Variants in OC90 observed in about 807,000 individuals in gnomAD.
OC90 encodes otoconin 90.
In OC90, 46 loss-of-function variants were observed where a neutral mutation model predicts 47.3. The ratio of observed to expected loss-of-function variants is 0.97; its 90% CI spans 0.77 to 1.24. The LOEUF (loss-of-function observed/expected upper bound fraction) is 1.24, where lower values mean the gene tolerates loss of function less well. Among genes scored for constraint, OC90 ranks in the 50% most tolerant of loss-of-function variants. OC90 has a pLI of 0.00. For synonymous variants in OC90, 271 were observed against 219.5 expected (o/e 1.23, Z -2.07); for missense variants, 688 against 583.9 (o/e 1.18, Z -1.84).
rs372376833 is a variant in OC90 at position 132,029,137 on chromosome 8, C to T, written c.1074G>A (p.Arg358=). The stretch of plus-strand genomic sequence containing the variant: ...GAAGCCTCTCAAGCAGGCAGCCCAG[C>T]CTTCTCACTTGCTCTAGGCAGCAGT... The part of the protein sequence containing the change: ...SHHCCLEQVR[R]LGCLLERLPW... Residue 358 remains arginine, a synonymous_variant, in exon 13 of 14, where the codon AGG becomes AGA. Transcript: ENST00000254627. 6.2e-7 allele frequency: 1 copy of T among 1,613,892 alleles called. No individual in the cohort carries two copies. The highest frequency in any genetic ancestry group is 8.5e-7 in the Non-Finnish European group (1 of 1,179,892).
At chr8:132,055,875 C>A (rs1052859711) in intron 1 of OC90, among the ~76,000 whole-genome samples, 2 of 152,118 alleles carry the variant, frequency 1.3e-5, no homozygotes, top group African/African-American at 4.8e-5. Flanking sequence ...CGGACTCTAG[C>A]CAATCCATTA....
chr8:132,048,905 T>A (rs1823174986), intron 2 of OC90, among the ~76,000 whole-genome samples: 1 of 151,502 alleles, frequency 6.6e-6, no homozygotes, highest in Admixed American at 6.6e-5. Context: ...AGGGCCTGCC[T>A]GCAGGGGGCC....
intron 13 of OC90, among the ~76,000 whole-genome samples, chr8:132,028,774 A>C (rs900388639): frequency 6.8e-6 from 1 of 146,456 alleles, no homozygotes; most frequent in African/African-American, 2.5e-5. Flanking sequence ...GAGAGAAAGA[A>C]AGAAAGAGAG....
rs543706629 is a variant in OC90 at position 132,054,969 on chromosome 8, A to G, written c.46+12T>C. The G allele has an allele frequency of 9.1e-6, 14 of 1,543,358 alleles. No homozygotes were observed. In the East Asian group the frequency reaches 1.7e-4, roughly 19 times the overall value. On this transcript the variant is annotated intron_variant, in intron 2 of 13. Transcript: ENST00000254627. ...CTAAGCTGGAACTATGGTGTAAGAT[A>G]TCATTACTCACCGGCATGGGGGATC...
chr8:132,037,395 C>T (rs1432993780), intron 9 of OC90, 43 bp downstream of exon 9: 1 of 1,517,082 alleles, frequency 6.6e-7, no homozygotes, highest in South Asian at 1.2e-5. Context: ...TCCCCACTCT[C>T]ATTGTGTGTC....
intron 3 of OC90, among the ~76,000 whole-genome samples, chr8:132,045,232 C>T (rs564925917): frequency 2.6e-5 from 4 of 152,268 alleles, no homozygotes; most frequent in Non-Finnish European, 4.4e-5. Flanking sequence ...TATGGACTCA[C>T]GCATGAATAA....
intron 13 of OC90, among the ~76,000 whole-genome samples, chr8:132,025,301 A>G (rs896137384): frequency 6.6e-6 from 1 of 152,178 alleles, no homozygotes; most frequent in Non-Finnish European, 1.5e-5. Context: ...AAATTTCCTA[A>G]CAAACAAGAG....
At chr8:132,025,479 CAG>C (rs1310627226) in intron 13 of OC90, among the ~76,000 whole-genome samples, 1 of 152,176 alleles carries the variant, frequency 6.6e-6, no homozygotes, top group African/African-American at 2.4e-5. Flanking sequence ...ATTGCCCTAA[CAG>C]AGTATGCACA....
At chr8:132,036,246 TATA>T in intron 9 of OC90, 1 of 668,584 alleles carries the variant, frequency 1.5e-6, no homozygotes, top group Non-Finnish European at 2.7e-6. Context: ...GTAAAATGGG[TATA>T]ATAATATTTA....
At chr8:132,033,006 G>A in intron 11 of OC90, 33 bp downstream of exon 11, 1 of 1,598,188 alleles carries the variant, frequency 6.3e-7, no homozygotes, top group Non-Finnish European at 8.5e-7. Flanking sequence ...AAAGATCCCA[G>A]CAGCGGAGAG....
At position 132,024,560 on chromosome 8, in the gene OC90, T is replaced by C; in HGVS notation, c.1355A>G (p.Gln452Arg). 1 of 1,612,140 alleles carries C rather than the reference T, an allele frequency of 6.2e-7. No homozygotes were observed. Among genetic ancestry groups the C allele is most frequent in the Non-Finnish European group, 8.5e-7 (1 of 1,178,654 alleles). ...CCTCTTGGCTCTGCCGAGGTCCTCC[T>C]GTGGAGGGTCCTCCTCGCTGTCCTC... Reference protein sequence around the residue: ...SEEDSEEDPPQEDLGRAKRFL... With the variant: ...SEEDSEEDPPREDLGRAKRFL... The change falls in exon 14 of 14, where the codon CAG becomes CGG. Residue 452 changes from glutamine (Q) to arginine (R), a missense_variant. By Grantham distance (43) the Gln-to-Arg change is conservative (BLOSUM62 1). Transcript: ENST00000254627.
chr8:132,042,396 A>G (rs1001020288), intron 4 of OC90, among the ~76,000 whole-genome samples: 1 of 152,082 alleles, frequency 6.6e-6, no homozygotes, highest in Non-Finnish European at 1.5e-5. Flanking sequence ...ATCAACTTCT[A>G]TTATAGATTA....
intron 5 of OC90, 116 bp downstream of exon 5, chr8:132,041,409 C>G: frequency 1.1e-6 from 1 of 889,662 alleles, no homozygotes; most frequent in Non-Finnish European, 1.7e-6. Context: ...GAATTAAACC[C>G]TCTCCTGAGT....
At position 132,024,562 on chromosome 8, in the gene OC90, T is replaced by G. The variant is rs1822726181; in HGVS notation, c.1353A>C (p.Pro451=). 6.2e-7 allele frequency: 1 copy of G among 1,612,258 alleles called. No individual in the cohort carries two copies. Among genetic ancestry groups the G allele is most frequent in the African/African-American group, 1.3e-5 (1 of 74,906 alleles). Residue 451 remains proline (P), a synonymous_variant, in exon 14 of 14, where the codon CCA becomes CCC. Transcript: ENST00000254627. The part of the protein sequence containing the change: ...SSEEDSEEDP[P]QEDLGRAKRF... ...TCTTGGCTCTGCCGAGGTCCTCCTGTGGAGGGTCCTCCTCGCTGTCCTCCT... is the reference window on the plus strand; with the variant it reads ...TCTTGGCTCTGCCGAGGTCCTCCTGGGGAGGGTCCTCCTCGCTGTCCTCCT...
At chr8:132,032,784 AGTG>A (rs1822894455) in intron 11 of OC90, among the ~76,000 whole-genome samples, 1 of 152,138 alleles carries the variant, frequency 6.6e-6, no homozygotes, top group African/African-American at 2.4e-5. Flanking sequence ...GGCCAGTAAA[AGTG>A]GTGGCAGCAC....
intron 1 of OC90, among the ~76,000 whole-genome samples, chr8:132,056,575 C>G (rs1230979136): frequency 6.6e-6 from 1 of 152,188 alleles, no homozygotes; most frequent in Non-Finnish European, 1.5e-5. Context: ...TTTTTAGCCA[C>G]ACAAATTCCT....
rs1822832393 is a variant in OC90 at position 132,029,064 on chromosome 8, A to G, written c.1138+9T>C. 3 of 1,590,984 alleles carry G rather than the reference A, an allele frequency of 1.9e-6. No individual in the cohort carries two copies. The highest frequency in any genetic ancestry group is 1.1e-5 in the South Asian group (1 of 90,666). On this transcript the variant is annotated intron_variant, in intron 13 of 13. Coordinates refer to ENST00000254627, the MANE Select transcript of OC90 (RefSeq NM_001080399.3). ...AATAATAACTCAATGTGCAACCAAC[A>G]GCACTTACACTTGGGCGTATGATCC...
chr8:132,029,186 C>T lies in OC90; in HGVS notation c.1032-7G>A, dbSNP rs1377946785. The T allele has an allele frequency of 4.4e-6, 7 of 1,607,876 alleles. No homozygotes were observed. Among genetic ancestry groups the T allele is most frequent in the East Asian group, 4.5e-5 (2 of 44,846 alleles). Reference sequence around the variant, plus strand: ...GTGATGGGACAAGCAGCACCTAAGACCAAGGAAAACCCTTTACTTCTCAGA... The same window carrying T: ...GTGATGGGACAAGCAGCACCTAAGATCAAGGAAAACCCTTTACTTCTCAGA... On this transcript the variant is annotated splice_polypyrimidine_tract_variant and splice_region_variant and intron_variant, in intron 12 of 13. Transcript: ENST00000254627.
At chr8:132,057,506 G>T (rs1052465431) in intron 1 of OC90, among the ~76,000 whole-genome samples, 12 of 152,156 alleles carry the variant, frequency 7.9e-5, no homozygotes, top group African/African-American at 2.9e-4. Context: ...GGTATGATTG[G>T]GTGTTCTTCG....
Sources: allele counts gnomAD v4.1 joint callset (sites outside exome capture counted in the v4.1 genomes callset), GRCh38; gene constraint gnomAD v4.1.1; transcripts MANE v1.5; gene names NCBI Gene and HGNC (gene_info 2026-07-23, HGNC 2026-07-21).